POFUT2: variants seen among roughly 807,000 people sequenced by gnomAD.
POFUT2 encodes GDP-fucose protein O-fucosyltransferase 2.
A neutral mutation model predicts 55.0 loss-of-function variants in POFUT2; 30 were observed. The observed-to-expected ratio is 0.55, with a 90% CI of 0.41 to 0.74. POFUT2 has a LOEUF of 0.74. Among genes scored for constraint, POFUT2 ranks in the 30% least tolerant of loss-of-function variants. The pLI, the probability that POFUT2 is intolerant of heterozygous loss-of-function variation, is 0.00. For missense variants in POFUT2, 524 were observed against 562.6 expected (o/e 0.93, Z 0.69); for synonymous variants, 267 against 231.1 (o/e 1.16, Z -1.41).
intron 2 of POFUT2, among the ~76,000 whole-genome samples, 177 bp from the exon 3 acceptor site, chr21:45,283,704 C>A (rs1159350242): frequency 6.6e-6 from 1 of 152,134 alleles, no homozygotes; most frequent in Non-Finnish European, 1.5e-5. Flanking sequence ...GGGCACAGGG[C>A]CATCAGCGTG....
chr21:45,279,454 C>T (rs534533959), intron 4 of POFUT2, among the ~76,000 whole-genome samples: 98 of 152,240 alleles, frequency 6.4e-4, no homozygotes, highest in African/African-American at 2.3e-3. Flanking sequence ...AAAAAATGAG[C>T]AACATATCTA....
rs535376893 is a variant in POFUT2 at position 45,267,105 on chromosome 21, G to A, written c.1136+485C>T. 42 of 1,146,920 alleles carry A rather than the reference G, an allele frequency of 3.7e-5. No individual in the cohort carries two copies. Among genetic ancestry groups the A allele is most frequent in the South Asian group, 2.2e-4 (10 of 46,390 alleles). The allele number at this position is 1,146,920 out of a possible 1,614,324, so 71.0% of individuals were successfully genotyped here. Reference sequence around the variant, plus strand: ...ACGCTCACGGCAGCCCCACAAGAACGATCACACGAGGGCCCATGCTCCCAG... The same window carrying A: ...ACGCTCACGGCAGCCCCACAAGAACAATCACACGAGGGCCCATGCTCCCAG... On this transcript the variant is annotated intron_variant, in intron 8 of 8. Transcript: ENST00000349485. This position sits in a 1 kb window ranked among gnomAD's most constrained non-coding sequence, Gnocchi z 4.4.
chr21:45,273,600 A>G (rs910874007), intron 6 of POFUT2, among the ~76,000 whole-genome samples: 1 of 152,242 alleles, frequency 6.6e-6, no homozygotes, highest in Admixed American at 6.5e-5. Context: ...ACAACATATC[A>G]AAAAGATAAC....
chr21:45,267,394 C>A lies in POFUT2; in HGVS notation c.1136+196G>T. 1 of 1,600,774 alleles carries A rather than the reference C, an allele frequency of 6.2e-7. No homozygotes were observed. The highest frequency in any genetic ancestry group is 1.1e-5 in the South Asian group (1 of 89,634). ...ATTCTGTGCATGAGAACTAAAGGGG[C>A]AAGATGAACAATTAACTTCAGCCCA... On this transcript the variant is annotated intron_variant, in intron 8 of 8. Coordinates refer to ENST00000349485, the MANE Select transcript of POFUT2 (RefSeq NM_133635.6). The surrounding 1 kb of genome is among the most constrained non-coding windows in gnomAD (Gnocchi z 4.4).
Position 45,265,389 on chromosome 21 carries a change from C to T in POFUT2, c.*93G>A. The T allele has an allele frequency of 8.2e-7, 1 of 1,212,574 alleles. No individual in the cohort carries two copies. The highest frequency in any genetic ancestry group is 2.2e-5 in the Admixed American group (1 of 45,794). The allele number at this position is 1,212,574 out of a possible 1,614,324, so 75.1% of individuals were successfully genotyped here. On this transcript the variant is annotated 3_prime_UTR_variant, in exon 9 of 9. Coordinates refer to ENST00000349485, the MANE Select transcript of POFUT2 (RefSeq NM_133635.6). The surrounding 1 kb of genome is among the most constrained non-coding windows in gnomAD (Gnocchi z 4.6). ...GCGAGGGACGGTCCTGTCCGCCCAG[C>T]TCCCGGCTGGCAGTAGACGGTGACT...
rs1458565456 is a variant in POFUT2, at chr21:45,282,205, C to A, written c.638+144G>T. 1.6e-6 allele frequency: 1 copy of A among 631,904 alleles called. No homozygotes were observed. The highest frequency in any genetic ancestry group is 2.7e-5 in the East Asian group (1 of 37,084). 39.1% of individuals were successfully genotyped at this position (631,904 alleles called of 1,614,324 possible). A position where few individuals can be genotyped will look rare whatever the true frequency, so the allele number is the denominator to read the frequency against. On this transcript the variant is annotated intron_variant, in intron 4 of 8. Coordinates refer to ENST00000349485, the MANE Select transcript of POFUT2 (RefSeq NM_133635.6). The surrounding 1 kb of genome is among the most constrained non-coding windows in gnomAD (Gnocchi z 4.6). ...CACATGCAAGCACTTCCCTAACCAC[C>A]ACCCCCCAGGGCCCCCAGGGTCCGC...
intron 2 of POFUT2, 59 bp from the exon 3 acceptor site, chr21:45,283,586 C>A: frequency 6.4e-7 from 1 of 1,568,204 alleles, no homozygotes; most frequent in Non-Finnish European, 8.7e-7. Context: ...CACTTACGGG[C>A]ATGCATCAGT....
chr21:45,266,467 G>C, intron 8 of POFUT2: 1 of 1,143,544 alleles, frequency 8.7e-7, no homozygotes, highest in Non-Finnish European at 1.1e-6. Context: ...GAGGGCAGGA[G>C]GCTGAGAGCT....
rs1162333002 is a variant in POFUT2 at position 45,270,168 on chromosome 21, G to C, written c.832-149C>G. ...CTCCAGGGCTGTCTAAGGGATTCAG[G>C]TGGAATCTCGGGGGCGACCAGATGT... is the stretch of plus-strand genomic sequence containing the variant. On this transcript the variant is annotated intron_variant, in intron 6 of 8. Transcript: ENST00000349485. The surrounding 1 kb of genome is among the most constrained non-coding windows in gnomAD (Gnocchi z 4.6). 1 of 442,358 alleles carries C rather than the reference G, an allele frequency of 2.3e-6. No individual in the cohort carries two copies. The highest frequency in any genetic ancestry group is 3.8e-6 in the Non-Finnish European group (1 of 260,820). The allele number at this position is 442,358 out of a possible 1,614,324, so 27.4% of individuals were successfully genotyped here.
In POFUT2 at chr21:45,266,428, G is replaced by C. The variant is rs1035932469; in HGVS notation, c.1137-793C>G. On this transcript the variant is annotated intron_variant, in intron 8 of 8. Coordinates refer to ENST00000349485, the MANE Select transcript of POFUT2 (RefSeq NM_133635.6). The stretch of plus-strand genomic sequence containing the variant: ...CCGGCCCGGAGGCAGGGCAGCTTCA[G>C]TGAGCTGGGCCGAGCGCTTCGCGCA... 3.4e-6 allele frequency: 4 copies of C among 1,189,376 alleles called. No homozygotes were observed. The African/African-American group carries it at 6.4e-5, about 19-fold the overall frequency. 73.7% of individuals were successfully genotyped at this position (1,189,376 alleles called of 1,614,324 possible).
At position 45,267,769 on chromosome 21, in the gene POFUT2, C is replaced by T. The variant is rs1016049299; in HGVS notation, c.1013-56G>A. 49 of 1,506,156 alleles carry T rather than the reference C, an allele frequency of 3.3e-5. No individual in the cohort carries two copies. Among genetic ancestry groups the T allele is most frequent in the South Asian group, 1.6e-4 (14 of 86,554 alleles). The allele number at this position is 1,506,156 out of a possible 1,614,324, so 93.3% of individuals were successfully genotyped here. A position where few individuals can be genotyped will look rare whatever the true frequency, so the allele number is the denominator to read the frequency against. ...CGGGATCCTCCAGTAAGGACAGATA[C>T]GTGACTCTTTAGCAGACAGACATGC... is the stretch of plus-strand genomic sequence containing the variant. On this transcript the variant is annotated intron_variant, in intron 7 of 8. Transcript: ENST00000349485. The surrounding 1 kb of genome is among the most constrained non-coding windows in gnomAD (Gnocchi z 4.4).
rs1319210043 is a variant in POFUT2 at position 45,281,883 on chromosome 21, C to T, written c.638+466G>A. On this transcript the variant is annotated intron_variant, in intron 4 of 8. Coordinates refer to ENST00000349485, the MANE Select transcript of POFUT2 (RefSeq NM_133635.6). This position sits in a 1 kb window ranked among gnomAD's most constrained non-coding sequence, Gnocchi z 5.0. Reference sequence around the variant, plus strand: ...CTGGGTGGACCCTCGAGGCCCAGCTCACCAGGCCGGCGACCACTTGAGGCA... The same window carrying T: ...CTGGGTGGACCCTCGAGGCCCAGCTTACCAGGCCGGCGACCACTTGAGGCA... Among the ~76,000 whole-genome samples the T allele has an allele frequency of 2.0e-5, 3 of 152,116 alleles. No individual in the cohort carries two copies. The highest frequency in any genetic ancestry group is 4.4e-5 in the Non-Finnish European group (3 of 68,026).
At chr21:45,275,024 G>A (rs1569223158) in intron 6 of POFUT2, among the ~76,000 whole-genome samples, 1 of 152,154 alleles carries the variant, frequency 6.6e-6, no homozygotes, top group Non-Finnish European at 1.5e-5. Flanking sequence ...TGCACACTTT[G>A]CATCCGACCA....
chr21:45,275,499 G>A (rs1172290418), intron 6 of POFUT2, among the ~76,000 whole-genome samples: 2 of 152,196 alleles, frequency 1.3e-5, no homozygotes, highest in African/African-American at 2.4e-5. Context: ...ATCCACAGCT[G>A]CAAAAACATG....
rs1158454842 is a variant in POFUT2, at chr21:45,284,223, G to A, written c.383-696C>T. 2.6e-5 allele frequency among the ~76,000 whole-genome samples: 4 copies of A among 152,072 alleles called. No individual in the cohort carries two copies. Among genetic ancestry groups the A allele is most frequent in the Non-Finnish European group, 5.9e-5 (4 of 68,016 alleles). ...CAAAGCGGGAGGGAGCATCGCGCAG[G>A]TGAAGTTCTGGGGCAGGAACAAAGC... is the stretch of plus-strand genomic sequence containing the variant. On this transcript the variant is annotated intron_variant, in intron 2 of 8. Transcript: ENST00000349485. This position sits in a 1 kb window ranked among gnomAD's most constrained non-coding sequence, Gnocchi z 5.8.
At position 45,277,223 on chromosome 21, in the gene POFUT2, C is replaced by T; in HGVS notation, c.706-81G>A. 1 of 1,538,908 alleles carries T rather than the reference C, an allele frequency of 6.5e-7. No individual in the cohort carries two copies. The highest frequency in any genetic ancestry group is 8.8e-7 in the Non-Finnish European group (1 of 1,138,610). ...CCGGAGCGGGTTCTCCTGTCGCTGC[C>T]ACCACCCACCCCCGCAGCTGGAACA... On this transcript the variant is annotated intron_variant, in intron 5 of 8. Transcript: ENST00000349485. This position sits in a 1 kb window ranked among gnomAD's most constrained non-coding sequence, Gnocchi z 6.9.
chr21:45,269,487 C>T (rs1021723639), intron 7 of POFUT2, among the ~76,000 whole-genome samples: 80 of 152,068 alleles, frequency 5.3e-4, no homozygotes, highest in Non-Finnish European at 9.6e-4. Context: ...TGTGACCTTA[C>T]CCCCAACCCT....
chr21:45,275,732 G>A (rs1472991775), intron 6 of POFUT2, among the ~76,000 whole-genome samples: 2 of 152,206 alleles, frequency 1.3e-5, no homozygotes, highest in African/African-American at 2.4e-5. Flanking sequence ...GGACTTTGGG[G>A]ACTCGAGGGG....
At position 45,277,250 on chromosome 21, in the gene POFUT2, G is replaced by T; in HGVS notation, c.706-108C>A. 7.0e-7 allele frequency: 1 copy of T among 1,433,478 alleles called. No homozygotes were observed. Among genetic ancestry groups the T allele is most frequent in the Non-Finnish European group, 9.4e-7 (1 of 1,059,844 alleles). The allele number at this position is 1,433,478 out of a possible 1,614,324, so 88.8% of individuals were successfully genotyped here. On this transcript the variant is annotated intron_variant, in intron 5 of 8. Transcript: ENST00000349485. The surrounding 1 kb of genome is among the most constrained non-coding windows in gnomAD (Gnocchi z 6.9). ...CCACCCACCCCCGCAGCTGGAACAA[G>T]CCCCTCAGACACGTCATCCACGGTC...
Sources: gnomAD v4.1 joint callset for allele counts (sites outside exome capture counted in the v4.1 genomes callset) on GRCh38, gnomAD v4.1.1 for gene constraint, Gnocchi (gnomAD v3.1) non-coding constraint, MANE v1.5 for transcripts, NCBI Gene and HGNC (gene_info 2026-07-23, HGNC 2026-07-21) for gene names.